RALYL: variants seen among roughly 807,000 people sequenced by gnomAD.
The protein encoded by RALYL is RNA-binding Raly-like protein.
RALYL carries 29 observed loss-of-function variants against 35.1 expected under a neutral mutation model. The observed-to-expected ratio is 0.83, with a 90% CI of 0.61 to 1.13. RALYL has a LOEUF of 1.13. Ranked by LOEUF, RALYL falls within the 50% of genes most tolerant of loss-of-function variation. The pLI is 0.00. For synonymous variants in RALYL, 120 were observed against 127.6 expected (o/e 0.94, Z 0.40); for missense variants, 359 against 360.4 (o/e 1.00, Z 0.03).
At chr8:84,752,308 C>T (rs1473342219) in intron 2 of RALYL, among the ~76,000 whole-genome samples, 1 of 152,130 alleles carries the variant, frequency 6.6e-6, no homozygotes, top group African/African-American at 2.4e-5. Flanking sequence ...TTCACAGTGA[C>T]CTGGCTGCTT....
At chr8:84,900,703 C>A (rs1845540468) in intron 8 of RALYL, among the ~76,000 whole-genome samples, 1 of 151,786 alleles carries the variant, frequency 6.6e-6, no homozygotes, top group Admixed American at 6.6e-5. Context: ...TTCTCCCTAT[C>A]AATATAGTAG....
chr8:84,574,069 T>C (rs929280337), intron 2 of RALYL, among the ~76,000 whole-genome samples: 3 of 152,024 alleles, frequency 2.0e-5, no homozygotes, highest in African/African-American at 7.2e-5. Context: ...GTTGATGTCA[T>C]TGTTGAGTTT....
At chr8:84,847,249 T>A (rs570003437) in intron 4 of RALYL, among the ~76,000 whole-genome samples, 1 of 152,308 alleles carries the variant, frequency 6.6e-6, no homozygotes, top group Non-Finnish European at 1.5e-5. Context: ...GCATCTCTTA[T>A]AGCTAGGATC....
chr8:84,910,620 A>C (rs994998123), intron 8 of RALYL, among the ~76,000 whole-genome samples: 8 of 152,086 alleles, frequency 5.3e-5, no homozygotes, highest in Non-Finnish European at 1.0e-4. Flanking sequence ...AATCAATTAC[A>C]TCTAAAAAGC....
At chr8:84,514,232 A>C (rs2057875973) in intron 1 of RALYL, among the ~76,000 whole-genome samples, 1 of 152,136 alleles carries the variant, frequency 6.6e-6, no homozygotes, top group Non-Finnish European at 1.5e-5. Flanking sequence ...CTACTTCTAA[A>C]AGTAATAACA....
chr8:84,817,181 G>A (rs1051841129), intron 4 of RALYL, among the ~76,000 whole-genome samples: 5 of 152,050 alleles, frequency 3.3e-5, no homozygotes, highest in South Asian at 2.1e-4. Context: ...TGTAGTTCAC[G>A]AACCCATTTT....
chr8:84,384,743 G>A (rs558656098), intron 1 of RALYL, among the ~76,000 whole-genome samples: 64 of 151,704 alleles, frequency 4.2e-4, no homozygotes, highest in Non-Finnish European at 8.6e-4. Flanking sequence ...TCTGTGGATT[G>A]ACACCAGTCC....
chr8:84,250,960 A>G (rs1830077588), intron 1 of RALYL, among the ~76,000 whole-genome samples: 1 of 152,126 alleles, frequency 6.6e-6, no homozygotes, highest in African/African-American at 2.4e-5. Context: ...GTTGATTTTT[A>G]TTCCTTCTTG....
rs550549817 is a variant in RALYL at position 84,789,540 on chromosome 8, G to A, written c.332+14886G>A. The stretch of plus-strand genomic sequence containing the variant: ...TAGCAAATCTCATGTTTAGAGGATC[G>A]AAAAAAAAACATTATATGATCTCAT... On this transcript the variant is annotated intron_variant, in intron 3 of 8. Coordinates refer to ENST00000521268, the MANE Select transcript of RALYL (RefSeq NM_173848.7). 1.2e-4 allele frequency among the ~76,000 whole-genome samples: 18 copies of A among 149,112 alleles called. No individual in the cohort carries two copies. In the South Asian group the frequency reaches 2.4e-3, roughly 20 times the overall value.
chr8:84,599,083 G>A (rs1815281212), intron 2 of RALYL, among the ~76,000 whole-genome samples: 1 of 152,008 alleles, frequency 6.6e-6, no homozygotes, highest in Non-Finnish European at 1.5e-5. Flanking sequence ...TCAGTTTAGG[G>A]ACACTGTAAA....
At chr8:84,346,051 GA>G in intron 1 of RALYL, 1 of 979,198 alleles carries the variant, frequency 1.0e-6, no homozygotes, top group South Asian at 4.7e-5. Context: ...TTATCCTAAT[GA>G]AATGGGTTGC....
chr8:84,667,178 C>CT (rs891021483), intron 2 of RALYL, among the ~76,000 whole-genome samples: 8 of 151,226 alleles, frequency 5.3e-5, no homozygotes, highest in Admixed American at 1.3e-4. Flanking sequence ...TTTATTTTTA[C>CT]TTTTTTTTTC....
chr8:84,594,317 G>A (rs538197187), intron 2 of RALYL, among the ~76,000 whole-genome samples: 5 of 152,116 alleles, frequency 3.3e-5, no homozygotes, highest in African/African-American at 1.2e-4. Flanking sequence ...ATATAATCAT[G>A]TTGCCTAGCA....
chr8:84,367,139 CTTTT>C (rs577327966), intron 1 of RALYL, among the ~76,000 whole-genome samples: 1 of 136,828 alleles, frequency 7.3e-6, no homozygotes, highest in Admixed American at 7.4e-5. Context: ...TTTCTTTTTT[CTTTT>C]TTTTTTTTTT....
intron 2 of RALYL, among the ~76,000 whole-genome samples, chr8:84,740,556 A>T (rs1039192190): frequency 3.3e-5 from 5 of 152,040 alleles, no homozygotes; most frequent in African/African-American, 1.2e-4. Context: ...ACCTTCTGAA[A>T]GTTTTAAGTG....
At chr8:84,840,484 C>T (rs144541917) in intron 4 of RALYL, among the ~76,000 whole-genome samples, 27 of 152,322 alleles carry the variant, frequency 1.8e-4, no homozygotes, top group Admixed American at 1.0e-3. Context: ...ACCAAATCTA[C>T]GCCTGACTGG....
chr8:84,828,799 T>C (rs1830250723), intron 4 of RALYL: 1 of 156,270 alleles, frequency 6.4e-6, no homozygotes, highest in African/African-American at 2.4e-5. Flanking sequence ...GATGAATTTA[T>C]GTACTATTAT....
At chr8:84,806,758 T>C (rs562530240) in intron 4 of RALYL, among the ~76,000 whole-genome samples, 1 of 152,268 alleles carries the variant, frequency 6.6e-6, no homozygotes, top group South Asian at 2.1e-4. Context: ...TAAATAAGAT[T>C]GTCCAAAAGT....
At position 84,511,932 on chromosome 8, in the gene RALYL, C is replaced by T. The variant is rs77618999; in HGVS notation, c.-23-17367C>T. 5.0e-3 allele frequency among the ~76,000 whole-genome samples: 768 copies of T among 152,228 alleles called. 8 individuals are homozygous for T. The highest frequency in any genetic ancestry group is 0.018 in the African/African-American group (745 of 41,538). ...GTATGTACACCACATTTCCTTTATC[C>T]ATTCATCTCTTGCTAGACACTTAGG... On this transcript the variant is annotated intron_variant, in intron 1 of 8. Coordinates refer to ENST00000521268, the MANE Select transcript of RALYL (RefSeq NM_173848.7).
Sources: gnomAD v4.1 joint callset for allele counts (sites outside exome capture counted in the v4.1 genomes callset) on GRCh38, gnomAD v4.1.1 for gene constraint, MANE v1.5 for transcripts, NCBI Gene and HGNC (gene_info 2026-07-23, HGNC 2026-07-21) for gene names.